The following DUOX1 variants were observed in gnomAD, a reference collection of about 807,000 sequenced individuals.
The protein encoded by DUOX1 is dual oxidase 1.
DUOX1 carries 134 observed loss-of-function variants against 181.8 expected under a neutral mutation model. That is an observed-to-expected ratio of 0.74 (90% CI 0.64 to 0.85). DUOX1 has a LOEUF of 0.85. DUOX1 is among the 40% of genes least tolerant of loss of function. DUOX1 has a pLI of 0.00. For synonymous variants in DUOX1, 798 were observed against 832.5 expected (o/e 0.96, Z 0.71); for missense variants, 1,814 against 2,064.4 (o/e 0.88, Z 2.35).
chr15:45,148,269 C>T lies in DUOX1; in HGVS notation c.2643-3C>T, dbSNP rs760187332. On this transcript the variant is annotated splice_region_variant and splice_polypyrimidine_tract_variant and intron_variant, in intron 20 of 33. Coordinates refer to ENST00000389037, the MANE Select transcript of DUOX1 (RefSeq NM_175940.3). ...CCGGATGGTTCCTCTCCCCCAACCC[C>T]AGATCCTTCATCGAGATCTCCAACA... 1.9e-6 allele frequency: 3 copies of T among 1,614,128 alleles called. No homozygotes were observed. The highest frequency in any genetic ancestry group is 4.5e-5 in the East Asian group (2 of 44,884).
chr15:45,132,115 A>G (rs891429110), intron 2 of DUOX1, 91 bp downstream of exon 2: 5 of 1,181,268 alleles, frequency 4.2e-6, no homozygotes, highest in Non-Finnish European at 6.0e-6. Flanking sequence ...TTTGATATTC[A>G]TCTGTATCTT....
At position 45,140,764 on chromosome 15, in the gene DUOX1, C is replaced by T. The variant is rs2141264525; in HGVS notation, c.1390-131C>T. The T allele has an allele frequency of 6.9e-6, 6 of 865,816 alleles. No individual in the cohort carries two copies. The South Asian group carries it at 8.7e-5, about 13-fold the overall frequency. 53.6% of individuals were successfully genotyped at this position (865,816 alleles called of 1,614,324 possible). On this transcript the variant is annotated intron_variant, in intron 12 of 33. Transcript: ENST00000389037. ...AGAAGTGCCTGGGGCATAATAAGCA[C>T]TGTATAGGAGTGAGTTACTGTTACT...
chr15:45,144,194 C>A lies in DUOX1; in HGVS notation c.2095C>A (p.Arg699Ser). The change falls in exon 17 of 34, where the codon CGC (arginine) becomes AGC (serine). Residue 699 changes from arginine (R) to serine (S), a missense_variant. Physicochemically the swap from Arg to Ser is moderately radical, Grantham distance 110 (BLOSUM62 -1). Coordinates refer to ENST00000389037, the MANE Select transcript of DUOX1 (RefSeq NM_175940.3). ...CTTCGTCCTGTCCAGCAACCGTGGA[C>A]GCCGCACTCTGCTGCTCAAGATCCC... Reference protein sequence around the residue: ...VNFVLSSNRGRRTLLLKIPKE... With the variant: ...VNFVLSSNRGSRTLLLKIPKE... 6.2e-7 allele frequency: 1 copy of A among 1,614,100 alleles called. No homozygotes were observed. The highest frequency in any genetic ancestry group is 8.5e-7 in the Non-Finnish European group (1 of 1,180,044).
At chr15:45,141,476 C>A in intron 14 of DUOX1, 66 bp downstream of exon 14, 1 of 1,533,974 alleles carries the variant, frequency 6.5e-7, no homozygotes, top group Non-Finnish European at 9.0e-7. Flanking sequence ...CAGCTCTGGG[C>A]TTGGCTCAAT....
Position 45,162,307 on chromosome 15 carries a change from C to T in DUOX1, c.4178C>T (p.Thr1393Ile). The change falls in exon 31 of 34, where the codon ACC becomes ATC. Residue 1393 changes from threonine to isoleucine, a missense_variant. Thr to Ile is a moderately conservative substitution (Grantham distance 89, BLOSUM62 -1). Around this residue, in one of 5 missense-constraint regions of DUOX1, gnomAD observed 279 missense variants for 381.9 expected, o/e 0.73. Transcript: ENST00000389037. ...TTAGTGGGAGGGGGCATTGGGGTCACCCCTTTTGCCTCCATCCTCAAAGAC... is the reference window on the plus strand; with the variant it reads ...TTAGTGGGAGGGGGCATTGGGGTCATCCCTTTTGCCTCCATCCTCAAAGAC... Reference protein sequence around the residue: ...SVLVGGGIGVTPFASILKDLV... With the variant: ...SVLVGGGIGVIPFASILKDLV... 1.2e-6 allele frequency: 2 copies of T among 1,614,068 alleles called. No individual in the cohort carries two copies. Among genetic ancestry groups the T allele is most frequent in the Non-Finnish European group, 1.7e-6 (2 of 1,179,996 alleles).
chr15:45,136,149 A>C lies in DUOX1; in HGVS notation c.864+201A>C, dbSNP rs1257223591. Among the ~76,000 whole-genome samples the C allele has an allele frequency of 1.9e-4, 28 of 151,098 alleles. No individual in the cohort carries two copies. The South Asian group carries it at 4.4e-3, about 24-fold the overall frequency. ...GAAATCTGGCTGGTGATGATTATTT[A>C]TCACCTCCCCACCCCCCACTCCCTC... On this transcript the variant is annotated intron_variant, in intron 7 of 33. Transcript: ENST00000389037.
rs1237944710 is a variant in DUOX1 at position 45,153,472 on chromosome 15, G to A, written c.3517G>A (p.Asp1173Asn). ...TTGCCTCTTTCCTGGCCTCTTCCATGATGATGGGTGAGTAAGTGCGAATGT... is the reference window on the plus strand; with the variant it reads ...TTGCCTCTTTCCTGGCCTCTTCCATAATGATGGGTGAGTAAGTGCGAATGT... ...LSCLFPGLFH[D>N]DGSELPQKYY... The change falls in exon 26 of 34, where the codon GAT becomes AAT. Residue 1173 changes from aspartate to asparagine, a missense_variant. This residue lies in a region of DUOX1 where 279 missense variants were observed against 381.9 expected (regional missense o/e 0.73). Coordinates refer to ENST00000389037, the MANE Select transcript of DUOX1 (RefSeq NM_175940.3). 1.9e-6 allele frequency: 3 copies of A among 1,610,780 alleles called. No homozygotes were observed. The highest frequency in any genetic ancestry group is 2.5e-6 in the Non-Finnish European group (3 of 1,178,296).
At chr15:45,134,446 G>A in intron 4 of DUOX1, 137 bp downstream of exon 4, 2 of 918,064 alleles carry the variant, frequency 2.2e-6, no homozygotes, top group Non-Finnish European at 3.1e-6. Context: ...AGGCAGTGGG[G>A]TATGGTAGGG....
At chr15:45,139,297 A>C in intron 11 of DUOX1, 129 bp downstream of exon 11, 1 of 1,593,150 alleles carries the variant, frequency 6.3e-7, no homozygotes, top group Non-Finnish European at 8.6e-7. Flanking sequence ...CTGATGAAAG[A>C]GCTTCTGACA....
intron 17 of DUOX1, 54 bp downstream of exon 17, chr15:45,144,289 G>A: frequency 1.3e-6 from 2 of 1,588,816 alleles, no homozygotes; most frequent in African/African-American, 2.7e-5. Flanking sequence ...CAGGGAGGCA[G>A]CCAGGTGGAG....
intron 1 of DUOX1, among the ~76,000 whole-genome samples, chr15:45,131,243 T>G (rs1255866103): frequency 6.6e-6 from 1 of 152,194 alleles, no homozygotes; most frequent in Non-Finnish European, 1.5e-5. Context: ...TCTGTTTCCC[T>G]GTTGACTCTG....
chr15:45,147,354 G>T (rs1030065200), intron 18 of DUOX1, 79 bp from the exon 19 acceptor site: 12 of 1,530,808 alleles, frequency 7.8e-6, no homozygotes, highest in African/African-American at 6.9e-5. Flanking sequence ...TCAAAAGGTG[G>T]CTCCTACAGG....
rs760674194 is a variant in DUOX1 at position 45,160,923 on chromosome 15, C to A, written c.3789C>A (p.Asp1263Glu). The A allele has an allele frequency of 3.7e-6, 6 of 1,614,018 alleles. No individual in the cohort carries two copies. Among genetic ancestry groups the A allele is most frequent in the Non-Finnish European group, 5.1e-6 (6 of 1,180,018 alleles). Residue 1263 changes from aspartate to glutamate, a missense_variant, in exon 29 of 34, where the codon GAC becomes GAA. This residue lies in a region of DUOX1 where 279 missense variants were observed against 381.9 expected (regional missense o/e 0.73). Coordinates refer to ENST00000389037, the MANE Select transcript of DUOX1 (RefSeq NM_175940.3). ...TCCCAGCAATCATCTATGGGGGCGACAAGCTGGTGAGCCTGAGCCGGAAGA... is the reference window on the plus strand; with the variant it reads ...TCCCAGCAATCATCTATGGGGGCGAAAAGCTGGTGAGCCTGAGCCGGAAGA... ...FLVPAIIYGG[D>E]KLVSLSRKKV...
In DUOX1 at chr15:45,143,218, C is replaced by T; in HGVS notation, c.1851C>T (p.Ala617=). ...LVSLLSAWIV[A]RLRMRNFKRL... Reference sequence around the variant, plus strand: ...GCCTGCTCAGTGCCTGGATTGTTGCCCGGCTCCGGATGAGAAATTTCAAGA... The same window carrying T: ...GCCTGCTCAGTGCCTGGATTGTTGCTCGGCTCCGGATGAGAAATTTCAAGA... The change falls in exon 16 of 34, where the codon GCC becomes GCT. Residue 617 remains alanine (A), a synonymous_variant. Coordinates refer to ENST00000389037, the MANE Select transcript of DUOX1 (RefSeq NM_175940.3). The T allele has an allele frequency of 2.5e-6, 4 of 1,614,078 alleles. No homozygotes were observed. The highest frequency in any genetic ancestry group is 2.5e-6 in the Non-Finnish European group (3 of 1,179,988).
Position 45,141,113 on chromosome 15 carries a change from G to T in DUOX1, c.1565+43G>T, listed in dbSNP as rs781558576. The T allele has an allele frequency of 5.0e-6, 8 of 1,611,848 alleles. No homozygotes were observed. In the Admixed American group the frequency reaches 1.3e-4, roughly 27 times the overall value. On this transcript the variant is annotated intron_variant, in intron 13 of 33. Transcript: ENST00000389037. The stretch of plus-strand genomic sequence containing the variant: ...TCCGCCTCAGGCTCTACCTCGGCCT[G>T]GGCCCCAGACCCTCTTTCTGGCCTT...
intron 28 of DUOX1, among the ~76,000 whole-genome samples, 156 bp downstream of exon 28, chr15:45,156,085 G>T (rs960886309): frequency 3.9e-5 from 6 of 152,162 alleles, no homozygotes; most frequent in African/African-American, 1.2e-4. Flanking sequence ...GATAGTACAG[G>T]GCTCTCCATT....
chr15:45,155,737 A>G, intron 27 of DUOX1, 65 bp from the exon 28 acceptor site: 1 of 1,605,252 alleles, frequency 6.2e-7, no homozygotes, highest in Non-Finnish European at 8.5e-7. Context: ...GGACCTTGGA[A>G]GCTCCAGAAC....
At chr15:45,145,269 C>T (rs7181715) in intron 18 of DUOX1, among the ~76,000 whole-genome samples, 189 bp downstream of exon 18, 24,725 of 152,142 alleles carry the variant, frequency 0.16, 1,997 homozygotes, top group Middle Eastern at 0.19. Context: ...ACCCCACCTC[C>T]AACTACGAGG....
chr15:45,136,803 T>G (rs893261557), intron 9 of DUOX1, among the ~76,000 whole-genome samples, 178 bp downstream of exon 9: 2 of 152,168 alleles, frequency 1.3e-5, no homozygotes, highest in Non-Finnish European at 1.5e-5. Context: ...GGTTTTTAAG[T>G]ATTTTTACTT....
Sources: gnomAD v4.1 joint callset for allele counts (sites outside exome capture counted in the v4.1 genomes callset) on GRCh38, gnomAD v4.1.1 for gene constraint, gnomAD v4.1.1 regional missense constraint, MANE v1.5 for transcripts, NCBI Gene and HGNC (gene_info 2026-07-23, HGNC 2026-07-21) for gene names.